The following PAN3 variants were observed in gnomAD, a reference collection of about 807,000 sequenced individuals.
PAN3 encodes poly(A) specific ribonuclease subunit PAN3.
PAN3 carries 19 observed loss-of-function variants against 96.2 expected under a neutral mutation model. The observed-to-expected ratio is 0.20, with a 90% confidence interval of 0.14 to 0.29. The LOEUF is 0.29. Ranked by LOEUF, PAN3 falls within the 10% of genes least tolerant of loss-of-function variation. PAN3 has a pLI of 1.00. For missense variants in PAN3, 882 were observed against 1,108.1 expected (o/e 0.80, Z 2.90); for synonymous variants, 433 against 406.6 (o/e 1.06, Z -0.78).
intron 6 of PAN3, among the ~76,000 whole-genome samples, chr13:28,233,233 G>C (rs7991369): frequency 2.0e-5 from 3 of 151,146 alleles, no homozygotes; most frequent in Non-Finnish European, 2.9e-5. Context: ...GATTTGCTTA[G>C]GTGCATTTTT....
chr13:28,243,984 C>A (rs761549001), intron 6 of PAN3, among the ~76,000 whole-genome samples: 28 of 152,154 alleles, frequency 1.8e-4, no homozygotes, highest in Non-Finnish European at 4.4e-5. Context: ...CCGCACCTGG[C>A]CTAGTTCTTT....
intron 1 of PAN3, among the ~76,000 whole-genome samples, chr13:28,173,753 T>C (rs1593408432): frequency 6.6e-6 from 1 of 152,326 alleles, no homozygotes; most frequent in Non-Finnish European, 1.5e-5. Flanking sequence ...TCCTTCAGTA[T>C]CATCCTACCC....
At chr13:28,187,899 G>T (rs897728737) in intron 4 of PAN3, among the ~76,000 whole-genome samples, 5 of 151,918 alleles carry the variant, frequency 3.3e-5, no homozygotes, top group Admixed American at 2.0e-4. Flanking sequence ...TCACTCTGTT[G>T]CCCAGGCTGG....
intron 4 of PAN3, among the ~76,000 whole-genome samples, chr13:28,184,900 C>T (rs141687626): frequency 1.3e-5 from 2 of 152,130 alleles, no homozygotes; most frequent in East Asian, 3.9e-4. Context: ...GTTACAGTTT[C>T]CCTCCATTTT....
At chr13:28,207,127 TTTC>T (rs1879471329) in intron 5 of PAN3, among the ~76,000 whole-genome samples, 1 of 152,192 alleles carries the variant, frequency 6.6e-6, no homozygotes, top group Non-Finnish European at 1.5e-5. Context: ...CAAACCTGTT[TTTC>T]ATTTACACAC....
chr13:28,159,973 C>CT (rs1417917332), intron 1 of PAN3, among the ~76,000 whole-genome samples: 1 of 151,550 alleles, frequency 6.6e-6, no homozygotes, highest in Non-Finnish European at 1.5e-5. Context: ...GAGTCTCGCT[C>CT]TATCACCCAG....
rs141442348 is a variant in PAN3, at chr13:28,280,423, C to G, written c.2201C>G (p.Thr734Ser). ...TTTATCTTGGGTAGGTATTTGTTGACTGACCAAAACAGGATGCGAAGTGTA... is the reference window on the plus strand; with the variant it reads ...TTTATCTTGGGTAGGTATTTGTTGAGTGACCAAAACAGGATGCGAAGTGTA... ...DLKNLILYLL[T>S]DQNRMRSVND... The change falls in exon 16 of 19, where the codon ACT becomes AGT. Residue 734 changes from threonine to serine, a missense_variant. This residue lies in a region of PAN3 where 364 missense variants were observed against 513.6 expected (regional missense o/e 0.71). Transcript: ENST00000380958. The G allele has an allele frequency of 1.1e-5, 17 of 1,607,550 alleles. No individual in the cohort carries two copies. In the African/African-American group the frequency reaches 2.3e-4, roughly 22 times the overall value.
At chr13:28,145,501 C>T (rs1026245075) in intron 1 of PAN3, among the ~76,000 whole-genome samples, 2 of 150,702 alleles carry the variant, frequency 1.3e-5, no homozygotes, top group East Asian at 2.0e-4. Context: ...ATTTCTTTGC[C>T]TTTTTAGTAG....
intron 6 of PAN3, chr13:28,232,612 AT>A (rs1197251005): frequency 6.6e-6 from 1 of 151,912 alleles, no homozygotes; most frequent in East Asian, 1.9e-4. Flanking sequence ...ATTATAATAT[AT>A]TTTTAAAAAA....
chr13:28,228,343 G>A (rs1349219452), intron 6 of PAN3, among the ~76,000 whole-genome samples: 1 of 152,040 alleles, frequency 6.6e-6, no homozygotes, highest in Non-Finnish European at 1.5e-5. Context: ...TGTAGGTAGG[G>A]TCTTAGTAAA....
Position 28,213,291 on chromosome 13 carries a change from G to A in PAN3, c.853-6940G>A, listed in dbSNP as rs150702130. On this transcript the variant is annotated intron_variant, in intron 5 of 18. Coordinates refer to ENST00000380958, the MANE Select transcript of PAN3 (RefSeq NM_175854.8). ...TGCATAGACTACATACAACTACTAG[G>A]CATTTAATATGAGGGACTTAATTAC... Among the ~76,000 whole-genome samples the A allele has an allele frequency of 6.8e-3, 1,042 of 152,206 alleles. 10 individuals are homozygous for A. The highest frequency in any genetic ancestry group is 0.024 in the African/African-American group (1,007 of 41,516).
chr13:28,209,023 A>G (rs1309817147), intron 5 of PAN3, among the ~76,000 whole-genome samples: 1 of 152,344 alleles, frequency 6.6e-6, no homozygotes, highest in South Asian at 2.1e-4. Context: ...TGCTTAAGGC[A>G]TAATATTTGC....
rs1173590176 is a variant in PAN3, at chr13:28,169,930, C to A, written c.431-4342C>A. On this transcript the variant is annotated intron_variant, in intron 1 of 18. Coordinates refer to ENST00000380958, the MANE Select transcript of PAN3 (RefSeq NM_175854.8). The stretch of plus-strand genomic sequence containing the variant: ...GGCGTGGTGACGGGCAGCTGTAATC[C>A]CAGCTACTTGGGAGGCTGAGGCTGG... Among the ~76,000 whole-genome samples the A allele has an allele frequency of 6.6e-5, 10 of 152,014 alleles. No homozygotes were observed. The East Asian group carries it at 1.6e-3, about 24-fold the overall frequency.
At chr13:28,205,033 A>G (rs1879184433) in intron 5 of PAN3, among the ~76,000 whole-genome samples, 4 of 151,914 alleles carry the variant, frequency 2.6e-5, no homozygotes, top group Admixed American at 2.6e-4. Flanking sequence ...GAATGCTTAC[A>G]TTAAAATCTC....
intron 12 of PAN3, among the ~76,000 whole-genome samples, chr13:28,269,698 G>A (rs1886453166): frequency 6.6e-6 from 1 of 152,024 alleles, no homozygotes; most frequent in South Asian, 2.1e-4. Context: ...ACATTGTCTT[G>A]GCATTTGTTA....
chr13:28,176,420 C>CA (rs1175757912), intron 2 of PAN3, 73 bp from the exon 3 acceptor site: 1 of 1,326,538 alleles, frequency 7.5e-7, no homozygotes, highest in Non-Finnish European at 1.1e-6. Flanking sequence ...CAAAGAGAGC[C>CA]AGTCTTAATT....
chr13:28,271,197 AC>A (rs1886594004), intron 13 of PAN3, among the ~76,000 whole-genome samples: 1 of 152,200 alleles, frequency 6.6e-6, no homozygotes, highest in Non-Finnish European at 1.5e-5. Context: ...TGGAGGACTT[AC>A]AAAACACAGC....
In PAN3 at chr13:28,138,675, C is replaced by T; in HGVS notation, c.18C>T (p.Gly6=). The T allele has an allele frequency of 1.2e-6, 1 of 830,664 alleles. No individual in the cohort carries two copies. The allele number at this position is 830,664 out of a possible 1,614,324, so 51.5% of individuals were successfully genotyped here. ...GCGTTGCCATGAACAGTGGCGGCGGCCTCCCGCCCCCCTCGGCCGCCGCCT... is the reference window on the plus strand; with the variant it reads ...GCGTTGCCATGAACAGTGGCGGCGGTCTCCCGCCCCCCTCGGCCGCCGCCT... MNSGG[G]LPPPSAAASP... The change falls in exon 1 of 19, where the codon GGC becomes GGT. Residue 6 remains glycine (G), a synonymous_variant. Coordinates refer to ENST00000380958, the MANE Select transcript of PAN3 (RefSeq NM_175854.8).
In PAN3 at chr13:28,293,013, C is replaced by G. The variant is rs1869940431; in HGVS notation, c.*491C>G. 1 of 152,290 alleles carries G rather than the reference C, an allele frequency of 6.6e-6. No individual in the cohort carries two copies. Among genetic ancestry groups the G allele is most frequent in the African/African-American group, 2.4e-5 (1 of 41,420 alleles). 9.4% of individuals were successfully genotyped at this position (152,290 alleles called of 1,614,324 possible). A position where few individuals can be genotyped will look rare whatever the true frequency, so the allele number is the denominator to read the frequency against. On this transcript the variant is annotated 3_prime_UTR_variant, in exon 19 of 19. Transcript: ENST00000380958. ...CCAGGTAAATAATTTCATAGAAGTT[C>G]AGTATAGTACGTAATTCTTGTAAGA...
Sources: allele counts gnomAD v4.1 joint callset (sites outside exome capture counted in the v4.1 genomes callset), GRCh38; gene constraint gnomAD v4.1.1; regional missense constraint gnomAD v4.1.1; transcripts MANE v1.5; gene names NCBI Gene and HGNC (gene_info 2026-07-23, HGNC 2026-07-21).